CTIF: variants seen among roughly 807,000 people sequenced by gnomAD.
The protein encoded by CTIF is CBP80/20-dependent translation initiation factor.
CTIF carries 21 observed loss-of-function variants against 66.0 expected under a neutral mutation model. The ratio of observed to expected loss-of-function variants is 0.32; its 90% confidence interval spans 0.23 to 0.46. The LOEUF (loss-of-function observed/expected upper bound fraction) is 0.46, where lower values mean the gene tolerates loss of function less well. Among genes scored for constraint, CTIF ranks in the 20% least tolerant of loss-of-function variants. The probability of loss-of-function intolerance (pLI) is 1.00; values close to 1 mark genes in which losing one functional copy is unlikely to be tolerated. For synonymous variants in CTIF, 345 were observed against 326.4 expected, an observed-to-expected ratio of 1.06 and a Z score of -0.62; for missense variants, 739 against 812.7, an observed-to-expected ratio of 0.91 and a Z score of 1.10.
intron 10 of CTIF, among the ~76,000 whole-genome samples, chr18:48,825,840 C>A (rs780229637): frequency 2.6e-5 from 4 of 152,248 alleles, no homozygotes; most frequent in Non-Finnish European, 4.4e-5. Flanking sequence ...CAGACCCCTT[C>A]TTCAACCAAT....
At chr18:48,625,731 A>C (rs2090581632) in intron 2 of CTIF, among the ~76,000 whole-genome samples, 1 of 152,180 alleles carries the variant, frequency 6.6e-6, no homozygotes, top group Non-Finnish European at 1.5e-5. Context: ...TGTCCATAGC[A>C]TGGATTTATT....
At chr18:48,652,792 G>A (rs1236842887) in intron 3 of CTIF, among the ~76,000 whole-genome samples, 1 of 152,160 alleles carries the variant, frequency 6.6e-6, no homozygotes, top group African/African-American at 2.4e-5. Context: ...GATCAAGTGG[G>A]CTTCATCCCT....
chr18:48,573,331 C>G, intron 1 of CTIF, among the ~76,000 whole-genome samples: 1 of 152,144 alleles, frequency 6.6e-6, no homozygotes, highest in East Asian at 1.9e-4. Context: ...CATGACCTCC[C>G]CCTCCCCATT....
At chr18:48,616,915 G>A (rs1010177557) in intron 1 of CTIF, among the ~76,000 whole-genome samples, 8 of 152,196 alleles carry the variant, frequency 5.3e-5, no homozygotes, top group East Asian at 1.9e-4. Flanking sequence ...AGGAAAGAGC[G>A]TCCTGTGTTC....
intron 1 of CTIF, among the ~76,000 whole-genome samples, chr18:48,617,145 G>A (rs2090414391): frequency 6.6e-6 from 1 of 152,180 alleles, no homozygotes; most frequent in Admixed American, 6.5e-5. Context: ...GATGTAGGAT[G>A]AGGTGCCCAC....
intron 9 of CTIF, among the ~76,000 whole-genome samples, chr18:48,781,536 G>A (rs1055098138): frequency 1.3e-5 from 2 of 152,190 alleles, no homozygotes; most frequent in Non-Finnish European, 2.9e-5. Context: ...TGCGTCTGCC[G>A]GCGAGGGTGG....
intron 1 of CTIF, among the ~76,000 whole-genome samples, chr18:48,582,550 G>T (rs1223251993): frequency 6.6e-6 from 1 of 152,054 alleles, no homozygotes; most frequent in African/African-American, 2.4e-5. Flanking sequence ...GGGCTCCTGA[G>T]GCACATTGCA....
intron 1 of CTIF, among the ~76,000 whole-genome samples, chr18:48,543,117 C>T (rs921906201): frequency 6.6e-6 from 1 of 152,196 alleles, no homozygotes; most frequent in African/African-American, 2.4e-5. Flanking sequence ...CAGATATTGT[C>T]CTCTAATTTC....
intron 7 of CTIF, among the ~76,000 whole-genome samples, chr18:48,726,958 G>C (rs2092391916): frequency 6.6e-6 from 1 of 151,958 alleles, no homozygotes; most frequent in South Asian, 2.1e-4. Flanking sequence ...TCATCATCTA[G>C]ATCATGTTCA....
At chr18:48,659,020 G>A (rs916883334) in intron 3 of CTIF, among the ~76,000 whole-genome samples, 1 of 152,174 alleles carries the variant, frequency 6.6e-6, no homozygotes. Context: ...AGCTCTGCAG[G>A]TGAGACTCTT....
intron 1 of CTIF, among the ~76,000 whole-genome samples, chr18:48,587,859 T>C (rs941909076): frequency 6.6e-6 from 1 of 152,206 alleles, no homozygotes; most frequent in Non-Finnish European, 1.5e-5. Context: ...TTCTACCTGA[T>C]TTATGCTGTT....
At chr18:48,765,958 CT>C (rs58491346) in intron 9 of CTIF, among the ~76,000 whole-genome samples, 11 of 145,488 alleles carry the variant, frequency 7.6e-5, no homozygotes, top group African/African-American at 1.8e-4. Flanking sequence ...ATCATTTTTT[CT>C]TTTTTTTATA....
At chr18:48,741,275 C>CT (rs1491199901) in intron 7 of CTIF, among the ~76,000 whole-genome samples, 1 of 85,920 alleles carries the variant, frequency 1.2e-5, no homozygotes, top group Non-Finnish European at 2.6e-5. Flanking sequence ...CTTTACTCTG[C>CT]CCCCGCCCCC....
chr18:48,676,990 G>T lies in CTIF; in HGVS notation c.507+6246G>T, dbSNP rs1220098120. Among the ~76,000 whole-genome samples, 15 of 152,216 alleles carry T rather than the reference G, an allele frequency of 9.9e-5. No individual in the cohort carries two copies. The East Asian group carries it at 2.5e-3, about 26-fold the overall frequency. ...GCGCTGCTGCTATTTAGTAATGGGGGTCCTGGGCGGGAGGCCGGGGCCGCG... is the reference window on the plus strand; with the variant it reads ...GCGCTGCTGCTATTTAGTAATGGGGTTCCTGGGCGGGAGGCCGGGGCCGCG... On this transcript the variant is annotated intron_variant, in intron 6 of 11. Transcript: ENST00000256413.
At chr18:48,722,165 C>T (rs980317506) in intron 7 of CTIF, among the ~76,000 whole-genome samples, 1 of 150,136 alleles carries the variant, frequency 6.7e-6, no homozygotes, top group Non-Finnish European at 1.5e-5. Flanking sequence ...AGATCTGGCA[C>T]ACAGTCATAC....
chr18:48,826,694 TG>T (rs1214957895), intron 10 of CTIF: 1 of 152,258 alleles, frequency 6.6e-6, no homozygotes, highest in Non-Finnish European at 1.5e-5. Context: ...TCATCTGTCA[TG>T]GAACCCCGGC....
intron 1 of CTIF, among the ~76,000 whole-genome samples, chr18:48,603,209 G>A (rs1433232460): frequency 6.7e-6 from 1 of 150,342 alleles, no homozygotes; most frequent in Admixed American, 6.6e-5. Flanking sequence ...TGGATGGACA[G>A]ATGGATGAAT....
chr18:48,765,781 C>G (rs2046245), intron 9 of CTIF, among the ~76,000 whole-genome samples: 36,521 of 152,042 alleles, frequency 0.24, 5,018 homozygotes, highest in African/African-American at 0.37. Flanking sequence ...CAGAGGACCC[C>G]GTCACCAATC....
chr18:48,557,386 C>T (rs1187596406), intron 1 of CTIF, among the ~76,000 whole-genome samples: 1 of 152,166 alleles, frequency 6.6e-6, no homozygotes, highest in African/African-American at 2.4e-5. Context: ...CAACCAGGAA[C>T]CTTCCCTGGA....
Sources: allele counts gnomAD v4.1 joint callset (sites outside exome capture counted in the v4.1 genomes callset), GRCh38; gene constraint gnomAD v4.1.1; transcripts MANE v1.5; gene names NCBI Gene and HGNC (gene_info 2026-07-23, HGNC 2026-07-21).